Variants in FNTB observed in about 807,000 individuals in gnomAD.
FNTB encodes farnesyltransferase, CAAX box, subunit beta.
In FNTB, 27 loss-of-function variants were observed where a neutral mutation model predicts 59.4. That is an observed-to-expected ratio of 0.45 (90% CI 0.34 to 0.63). The LOEUF (loss-of-function observed/expected upper bound fraction) is 0.63, where lower values mean the gene tolerates loss of function less well. FNTB is among the 20% of genes least tolerant of loss of function. FNTB has a pLI of 0.02. For missense variants in FNTB, 449 were observed against 559.6 expected, an observed-to-expected ratio of 0.80 and a Z score of 1.99; for synonymous variants, 230 against 220.7, an observed-to-expected ratio of 1.04 and a Z score of -0.37.
chr14:64,999,403 A>G (rs984890325), intron 1 of FNTB, among the ~76,000 whole-genome samples: 1 of 152,230 alleles, frequency 6.6e-6, no homozygotes, highest in African/African-American at 2.4e-5. Flanking sequence ...GCAGCACTGC[A>G]CTCAAGCCTG....
At chr14:65,018,971 G>A (rs369429698) in intron 4 of FNTB, among the ~76,000 whole-genome samples, 3 of 151,886 alleles carry the variant, frequency 2.0e-5, no homozygotes, top group Non-Finnish European at 4.4e-5. Context: ...TTAGCCAAGC[G>A]TGGTGGCGCA....
intron 3 of FNTB, among the ~76,000 whole-genome samples, chr14:65,015,106 T>G (rs1401472527): frequency 6.9e-6 from 1 of 145,102 alleles, no homozygotes; most frequent in African/African-American, 2.8e-5. Context: ...TTTCTTTTCT[T>G]TCTTTTTTTT....
In FNTB at chr14:65,011,679, C is replaced by CA. The variant is rs2061685738; in HGVS notation, c.210-637dup. Among the ~76,000 whole-genome samples the CA allele has an allele frequency of 6.6e-6, 1 of 152,220 alleles. No homozygotes were observed. The highest frequency in any genetic ancestry group is 1.5e-5 in the Non-Finnish European group (1 of 68,046). ...GCCTCTGTGCTTTGCCCGGCCTGTG[C>CA]AGGTGGCCATGGGCGGCACATTCCA... On this transcript the variant is annotated intron_variant, in intron 2 of 11. Transcript: ENST00000246166. The surrounding 1 kb of genome is among the most constrained non-coding windows in gnomAD (Gnocchi z 4.0).
chr14:65,059,705 A>G (rs926646820), intron 11 of FNTB, among the ~76,000 whole-genome samples: 1 of 152,012 alleles, frequency 6.6e-6, no homozygotes, highest in Non-Finnish European at 1.5e-5. Flanking sequence ...TGTCAAATCT[A>G]AAGTTTCTTT....
intron 11 of FNTB, among the ~76,000 whole-genome samples, chr14:65,056,450 A>G (rs1346757615): frequency 6.6e-6 from 1 of 152,172 alleles, no homozygotes; most frequent in Non-Finnish European, 1.5e-5. Flanking sequence ...TTTGATAGAT[A>G]CCTCTGTAAC....
At chr14:65,022,176 A>G (rs570858380) in intron 4 of FNTB, 2 of 421,102 alleles carry the variant, frequency 4.7e-6, no homozygotes, top group African/African-American at 4.0e-5. Context: ...TAGTACGAGA[A>G]CAAGCTTGAT....
At chr14:65,051,774 C>T (rs924741224) in intron 9 of FNTB, among the ~76,000 whole-genome samples, 2 of 150,816 alleles carry the variant, frequency 1.3e-5, no homozygotes, top group Non-Finnish European at 3.0e-5. Flanking sequence ...ATACCATAAA[C>T]TTTTATAATT....
At chr14:65,058,283 T>A (rs2062787217) in intron 11 of FNTB, among the ~76,000 whole-genome samples, 1 of 151,966 alleles carries the variant, frequency 6.6e-6, no homozygotes, top group Admixed American at 6.5e-5. Flanking sequence ...TAGAGTTATG[T>A]CTAATTTACA....
intron 7 of FNTB, among the ~76,000 whole-genome samples, chr14:65,039,849 A>C (rs996289929): frequency 6.6e-6 from 1 of 152,204 alleles, no homozygotes; most frequent in Non-Finnish European, 1.5e-5. Flanking sequence ...TTTTTGAACA[A>C]ATAGAAAAAC....
At position 65,028,980 on chromosome 14, in the gene FNTB, C is replaced by G. The variant is rs919020136; in HGVS notation, c.605+1199C>G. 6.6e-6 allele frequency among the ~76,000 whole-genome samples: 1 copy of G among 152,080 alleles called. No individual in the cohort carries two copies. The highest frequency in any genetic ancestry group is 2.4e-5 in the African/African-American group (1 of 41,408). On this transcript the variant is annotated intron_variant, in intron 6 of 11. Transcript: ENST00000246166. The surrounding 1 kb of genome is among the most constrained non-coding windows in gnomAD (Gnocchi z 4.4). ...GTATTTTATCATATACCTTTTGCAGCTGTGATTATTTGCTATCTTATTCAT... is the reference window on the plus strand; with the variant it reads ...GTATTTTATCATATACCTTTTGCAGGTGTGATTATTTGCTATCTTATTCAT...
chr14:65,037,752 A>T (rs1370753684), intron 7 of FNTB, among the ~76,000 whole-genome samples: 107 of 103,960 alleles, frequency 1.0e-3, no homozygotes, highest in South Asian at 2.9e-3. Flanking sequence ...TTATTTATTT[A>T]TTTATTTATT....
At chr14:65,060,870 C>CAAAAAA (rs58241887) in intron 11 of FNTB, among the ~76,000 whole-genome samples, 3 of 79,572 alleles carry the variant, frequency 3.8e-5, no homozygotes, top group South Asian at 4.7e-4. Context: ...AAGACTCTCT[C>CAAAAAA]AAAAAAAAAA....
chr14:65,037,094 G>A (rs1209723042), intron 7 of FNTB, among the ~76,000 whole-genome samples: 1 of 150,536 alleles, frequency 6.6e-6, no homozygotes, highest in Non-Finnish European at 1.5e-5. Context: ...TGTGTTTTCT[G>A]TGTTTGCTCT....
intron 10 of FNTB, among the ~76,000 whole-genome samples, chr14:65,053,625 T>TAAAAAAAAAAACAAAAA (rs201558638): frequency 6.8e-6 from 1 of 146,246 alleles, no homozygotes; most frequent in African/African-American, 2.7e-5. Flanking sequence ...CTTCTTTTTT[T>TAAAAAAAAAAACAAAAA]TAAAAAAAAC....
chr14:65,000,759 G>A (rs1436745177), intron 1 of FNTB, among the ~76,000 whole-genome samples: 3 of 141,438 alleles, frequency 2.1e-5, no homozygotes, highest in Admixed American at 7.5e-5. Context: ...GGTGGAGGTT[G>A]CAGTGAGCTG....
chr14:65,003,963 C>T (rs913224512), intron 1 of FNTB, among the ~76,000 whole-genome samples: 4 of 152,102 alleles, frequency 2.6e-5, no homozygotes, highest in Admixed American at 2.0e-4. Flanking sequence ...TCATCTGCTC[C>T]CAGAGTAACT....
rs1458932553 is a variant in FNTB, at chr14:64,991,002, C to G, written c.144+3905C>G. ...TGGTTGTATTGTTAGTGCCTGCCTT[C>G]CTTATTGTGCCATCTGGAATCATCC... On this transcript the variant is annotated intron_variant, in intron 1 of 11. Coordinates refer to ENST00000246166, the MANE Select transcript of FNTB (RefSeq NM_002028.4). The surrounding 1 kb of genome is among the most constrained non-coding windows in gnomAD (Gnocchi z 4.4). 1.3e-5 allele frequency among the ~76,000 whole-genome samples: 2 copies of G among 152,154 alleles called. No homozygotes were observed. Among genetic ancestry groups the G allele is most frequent in the African/African-American group, 4.8e-5 (2 of 41,402 alleles).
chr14:65,026,630 C>T (rs552343763), intron 4 of FNTB, among the ~76,000 whole-genome samples: 4 of 152,208 alleles, frequency 2.6e-5, no homozygotes, highest in East Asian at 1.9e-4. Context: ...GAGGCTGCGG[C>T]GGGTGGATCA....
chr14:64,987,049 A>C lies in FNTB; in HGVS notation c.96A>C (p.Arg32=), dbSNP rs778979315. 6.2e-7 allele frequency: 1 copy of C among 1,614,206 alleles called. No individual in the cohort carries two copies. The highest frequency in any genetic ancestry group is 1.1e-5 in the South Asian group (1 of 91,082). Residue 32 remains arginine, a synonymous_variant, in exon 1 of 12, where the codon CGA becomes CGC. Transcript: ENST00000246166. The part of the protein sequence containing the change: ...PLYSLRPEHA[R]ERLQDDSVET... ...ACAGTCTGAGGCCCGAGCACGCGCG[A>C]GAGCGGTTGCAGGACGACTCGGTGG...
Sources: allele counts gnomAD v4.1 joint callset (sites outside exome capture counted in the v4.1 genomes callset), GRCh38; gene constraint gnomAD v4.1.1; non-coding constraint Gnocchi (gnomAD v3.1); transcripts MANE v1.5; gene names NCBI Gene and HGNC (gene_info 2026-07-23, HGNC 2026-07-21).